NAV1: variants seen among roughly 807,000 people sequenced by gnomAD.
NAV1 encodes pore membrane and/or filament interacting like protein 3.
NAV1 carries 18 observed loss-of-function variants against 175.2 expected under a neutral mutation model. The ratio of observed to expected loss-of-function variants is 0.10; its 90% CI spans 0.07 to 0.15. NAV1 has a LOEUF of 0.15. Among genes scored for constraint, NAV1 ranks in the 10% least tolerant of loss-of-function variants. The pLI, the probability that NAV1 is intolerant of heterozygous loss-of-function variation, is 1.00. For missense variants in NAV1, 1,731 were observed against 2,436.6 expected, an observed-to-expected ratio of 0.71 and a Z score of 6.10; for synonymous variants, 897 against 978.7, an observed-to-expected ratio of 0.92 and a Z score of 1.56.
intron 1 of NAV1, 46 bp from the exon 4 acceptor site, chr1:201,629,358 C>T: frequency 1.6e-6 from 2 of 1,243,208 alleles, no homozygotes; most frequent in South Asian, 1.3e-5. Context: ...GGCTTAGAGA[C>T]CAGGACATCT....
At chr1:201,610,353 A>T (rs1210955143) in intron 2 of NAV1, among the ~76,000 whole-genome samples, 1 of 152,246 alleles carries the variant, frequency 6.6e-6, no homozygotes, top group Non-Finnish European at 1.5e-5. Flanking sequence ...GACGGCTCTG[A>T]GTTCCCTCCC....
intron 3 of NAV1, among the ~76,000 whole-genome samples, chr1:201,721,089 C>T (rs1424042154): frequency 2.0e-5 from 3 of 152,098 alleles, no homozygotes; most frequent in Non-Finnish European, 2.9e-5. Context: ...TAGAGTTCAC[C>T]GAGACTAGCA....
chr1:201,696,361 C>T (rs1364631120), intron 1 of NAV1, among the ~76,000 whole-genome samples: 3 of 152,174 alleles, frequency 2.0e-5, no homozygotes, highest in Admixed American at 6.5e-5. Context: ...GGCAAGCAGG[C>T]GACACAACCT....
At chr1:201,556,121 T>C (rs1299551778) in intron 1 of NAV1, among the ~76,000 whole-genome samples, 2 of 152,136 alleles carry the variant, frequency 1.3e-5, no homozygotes, top group Non-Finnish European at 2.9e-5. Context: ...AACGCTCTTT[T>C]ATAAAAAATA....
intron 1 of NAV1, chr1:201,688,272 C>T (rs1216126800): frequency 2.0e-5 from 3 of 152,238 alleles, no homozygotes; most frequent in African/African-American, 4.8e-5. Context: ...GGCACTGGAG[C>T]AGAGTAGACC....
chr1:201,775,448 A>G (rs968397738), intron 3 of NAV1, among the ~76,000 whole-genome samples: 5 of 152,210 alleles, frequency 3.3e-5, no homozygotes, highest in African/African-American at 1.2e-4. Context: ...TCATCTCCCT[A>G]TACTGAAGCC....
At chr1:201,594,096 G>A (rs1667284283) in intron 2 of NAV1, among the ~76,000 whole-genome samples, 1 of 149,314 alleles carries the variant, frequency 6.7e-6, no homozygotes, top group Admixed American at 6.7e-5. Flanking sequence ...TTGAGTGGTA[G>A]CAAGGTTTAT....
intron 2 of NAV1, among the ~76,000 whole-genome samples, chr1:201,596,338 G>A (rs1325777818): frequency 1.3e-5 from 2 of 152,148 alleles, no homozygotes; most frequent in Admixed American, 1.3e-4. Context: ...CTGATGACAG[G>A]GACTCTCTTC....
At chr1:201,619,850 GATA>G (rs1396711845), upstream of NAV1, among the ~76,000 whole-genome samples, 1 of 152,248 alleles carries the variant, frequency 6.6e-6, no homozygotes, top group Non-Finnish European at 1.5e-5. Context: ...GCAAGCTGGT[GATA>G]ATTCCCTGGG....
At chr1:201,772,598 G>T (rs1675658658) in intron 3 of NAV1, among the ~76,000 whole-genome samples, 1 of 152,158 alleles carries the variant, frequency 6.6e-6, no homozygotes, top group South Asian at 2.1e-4. Flanking sequence ...TCCTTCCTCT[G>T]TATTGCTTTA....
chr1:201,558,376 T>C (rs1302540751), intron 1 of NAV1, among the ~76,000 whole-genome samples: 1 of 152,198 alleles, frequency 6.6e-6, no homozygotes, highest in Non-Finnish European at 1.5e-5. Context: ...AGTAAATCAT[T>C]CTCTTTGGGA....
intron 3 of NAV1, among the ~76,000 whole-genome samples, chr1:201,762,350 G>A (rs1184274452): frequency 1.3e-5 from 2 of 152,144 alleles, no homozygotes; most frequent in Non-Finnish European, 2.9e-5. Flanking sequence ...CATTTTTAGG[G>A]GTTCTTTTTT....
chr1:201,759,919 A>G (rs1674736615), intron 3 of NAV1, among the ~76,000 whole-genome samples: 1 of 152,226 alleles, frequency 6.6e-6, no homozygotes, highest in Non-Finnish European at 1.5e-5. Flanking sequence ...CTTGCAATAC[A>G]TTGAAGCTCC....
exon 1 of NAV1, chr1:201,623,135 C>T (rs1431105986): frequency 3.0e-6 from 3 of 985,878 alleles, no homozygotes; most frequent in Non-Finnish European, 3.6e-6. Context: ...TTTGCTGGGG[C>T]GGTGAGGGAG....
intron 3 of NAV1, among the ~76,000 whole-genome samples, chr1:201,770,790 G>A (rs1161488450): frequency 2.6e-5 from 4 of 152,082 alleles, no homozygotes; most frequent in South Asian, 2.1e-4. Flanking sequence ...CCCCTAAATC[G>A]TTCTCATGAG....
chr1:201,718,188 T>C lies in NAV1; in HGVS notation c.861-202T>C, dbSNP rs963220894. ...TTCTTCCCTAGCCACTTAATTAAGATCATTTCCTTTGTCAAACAGATAACG... is the reference window on the plus strand; with the variant it reads ...TTCTTCCCTAGCCACTTAATTAAGACCATTTCCTTTGTCAAACAGATAACG... On this transcript the variant is annotated intron_variant, in intron 2 of 29. Transcript: ENST00000367296. This position sits in a 1 kb window ranked among gnomAD's most constrained non-coding sequence, Gnocchi z 4.8. Among the ~76,000 whole-genome samples, 13 of 152,192 alleles carry C rather than the reference T, an allele frequency of 8.5e-5. No homozygotes were observed. The highest frequency in any genetic ancestry group is 2.4e-4 in the African/African-American group (10 of 41,442).
chr1:201,545,060 G>C (rs1443974622), intron 1 of NAV1, among the ~76,000 whole-genome samples: 2 of 152,144 alleles, frequency 1.3e-5, no homozygotes, highest in Non-Finnish European at 2.9e-5. Context: ...GTGTGACCTT[G>C]GGCAGGCCAT....
intron 3 of NAV1, among the ~76,000 whole-genome samples, chr1:201,768,333 G>GAAAAAAAAAAAAAA (rs57027212): frequency 9.5e-6 from 1 of 105,674 alleles, no homozygotes. Context: ...CCGTCTCAGA[G>GAAAAAAAAAAAAAA]AAAAAAAAAA....
exon 25 of NAV1, chr1:201,811,626 C>A: frequency 6.2e-7 from 1 of 1,614,096 alleles, no homozygotes; most frequent in Non-Finnish European, 8.5e-7. Context: ...ATCTTTCCAA[C>A]CTAGCCAACC....
Sources: gnomAD v4.1 joint callset for allele counts (sites outside exome capture counted in the v4.1 genomes callset) on GRCh38, gnomAD v4.1.1 for gene constraint, Gnocchi (gnomAD v3.1) non-coding constraint, MANE v1.5 for transcripts, NCBI Gene and HGNC (gene_info 2026-07-23, HGNC 2026-07-21) for gene names.